The following LHFPL6 variants were observed in gnomAD, a reference collection of about 807,000 sequenced individuals.
LHFPL6 encodes LHFPL tetraspan subfamily member 6, also known as LHFPL tetraspan subfamily member 6 protein.
Under a neutral mutation model 20.6 loss-of-function variants are expected in LHFPL6, and 9 were observed. The observed-to-expected ratio is 0.44, with a 90% CI of 0.26 to 0.76. The LOEUF is 0.76. Ranked by LOEUF, LHFPL6 falls within the 30% of genes least tolerant of loss-of-function variation. The probability of loss-of-function intolerance (pLI) is 0.20; values close to 1 mark genes in which losing one functional copy is unlikely to be tolerated. For synonymous variants in LHFPL6, 105 were observed against 98.7 expected, an observed-to-expected ratio of 1.06 and a Z score of -0.38; for missense variants, 218 against 253.5, an observed-to-expected ratio of 0.86 and a Z score of 0.95.
At chr13:39,492,880 A>G (rs1043465085) in intron 2 of LHFPL6, among the ~76,000 whole-genome samples, 2 of 151,968 alleles carry the variant, frequency 1.3e-5, no homozygotes, top group African/African-American at 4.8e-5. Context: ...GAGTTTCTCT[A>G]TGCTGGTCAG....
chr13:39,516,917 G>C (rs1259357703), intron 2 of LHFPL6, among the ~76,000 whole-genome samples: 1 of 152,180 alleles, frequency 6.6e-6, no homozygotes, highest in African/African-American at 2.4e-5. Context: ...TCTTAAATCA[G>C]CTCATGTAGC....
chr13:39,496,993 C>T (rs536670116), intron 2 of LHFPL6, among the ~76,000 whole-genome samples: 2 of 152,148 alleles, frequency 1.3e-5, no homozygotes, highest in Admixed American at 6.5e-5. Context: ...AATGCAGAAG[C>T]TTATCCCAGA....
intron 2 of LHFPL6, among the ~76,000 whole-genome samples, chr13:39,514,448 C>T (rs1444618729): frequency 6.6e-6 from 1 of 152,188 alleles, no homozygotes; most frequent in African/African-American, 2.4e-5. Flanking sequence ...GCTCTGGCAT[C>T]AACACAGGTC....
At chr13:39,554,337 A>T (rs754712146) in intron 2 of LHFPL6, among the ~76,000 whole-genome samples, 5 of 152,196 alleles carry the variant, frequency 3.3e-5, no homozygotes, top group Non-Finnish European at 5.9e-5. Flanking sequence ...TTGCCTCTTT[A>T]ATATACTCTT....
At chr13:39,594,120 T>C (rs1285909803) in intron 2 of LHFPL6, among the ~76,000 whole-genome samples, 10 of 152,052 alleles carry the variant, frequency 6.6e-5, no homozygotes, top group Non-Finnish European at 1.3e-4. Context: ...ACAAACGGGA[T>C]CTAATTAAAC....
Position 39,470,257 on chromosome 13 carries a change from G to A in LHFPL6, c.386-91731C>T, listed in dbSNP as rs150090581. Among the ~76,000 whole-genome samples, 1,258 of 152,202 alleles carry A rather than the reference G, an allele frequency of 8.3e-3. 7 individuals carry two copies. Among genetic ancestry groups the A allele is most frequent in the Non-Finnish European group, 0.013 (910 of 67,996 alleles). On this transcript the variant is annotated intron_variant, in intron 2 of 3. Coordinates refer to ENST00000379589, the MANE Select transcript of LHFPL6 (RefSeq NM_005780.3). ...TTTTGTGCTGGATATATTCAAAGAA[G>A]TGCAAAAACCCCCAAATCTAATATG... is the stretch of plus-strand genomic sequence containing the variant.
At chr13:39,583,791 C>T (rs1309211930) in intron 2 of LHFPL6, among the ~76,000 whole-genome samples, 1 of 152,152 alleles carries the variant, frequency 6.6e-6, no homozygotes, top group African/African-American at 2.4e-5. Context: ...TCATCAATAT[C>T]CTGAACAAAT....
At chr13:39,441,324 T>G (rs1052663723) in intron 2 of LHFPL6, among the ~76,000 whole-genome samples, 1 of 151,690 alleles carries the variant, frequency 6.6e-6, no homozygotes, top group South Asian at 2.1e-4. Flanking sequence ...GGCTATTAGT[T>G]GATCAGGAAG....
chr13:39,558,454 G>A (rs1871374170), intron 2 of LHFPL6, among the ~76,000 whole-genome samples: 1 of 152,156 alleles, frequency 6.6e-6, no homozygotes, highest in African/African-American at 2.4e-5. Context: ...ATAATTGGAA[G>A]TTACCTCTCA....
At chr13:39,475,366 T>G (rs1873058848) in intron 2 of LHFPL6, among the ~76,000 whole-genome samples, 1 of 152,130 alleles carries the variant, frequency 6.6e-6, no homozygotes. Flanking sequence ...GCTTAATAAC[T>G]TTCAATGTTA....
chr13:39,560,100 A>C (rs1871424584), intron 2 of LHFPL6, among the ~76,000 whole-genome samples: 1 of 152,154 alleles, frequency 6.6e-6, no homozygotes, highest in East Asian at 1.9e-4. Context: ...CATGGTAACT[A>C]TCCGATCTAC....
chr13:39,448,950 A>G (rs762640457), intron 2 of LHFPL6, among the ~76,000 whole-genome samples: 94 of 152,270 alleles, frequency 6.2e-4, no homozygotes, highest in Non-Finnish European at 9.7e-4. Flanking sequence ...GAGCAGATGC[A>G]TTAGAAGTCA....
intron 2 of LHFPL6, among the ~76,000 whole-genome samples, chr13:39,510,257 T>C (rs545410141): frequency 2.0e-4 from 31 of 152,336 alleles, no homozygotes; most frequent in African/African-American, 7.2e-4. Flanking sequence ...TCTGTCAAAT[T>C]ATATATTCTG....
chr13:39,577,636 CA>C (rs1237739238), intron 2 of LHFPL6, among the ~76,000 whole-genome samples: 2 of 151,684 alleles, frequency 1.3e-5, no homozygotes, highest in African/African-American at 4.9e-5. Flanking sequence ...TCCAACAACT[CA>C]ATTTTTTTTT....
intron 2 of LHFPL6, among the ~76,000 whole-genome samples, chr13:39,582,511 G>A (rs888164162): frequency 2.6e-5 from 4 of 152,140 alleles, no homozygotes; most frequent in African/African-American, 4.8e-5. Flanking sequence ...CAGCTAACCC[G>A]CAACCAATGG....
chr13:39,472,141 G>A (rs1012383034), intron 2 of LHFPL6, among the ~76,000 whole-genome samples: 11 of 152,230 alleles, frequency 7.2e-5, no homozygotes, highest in Non-Finnish European at 1.5e-4. Flanking sequence ...CCTGGTCCTA[G>A]ACGTAGTAGT....
At chr13:39,512,342 C>T (rs530662785) in intron 2 of LHFPL6, among the ~76,000 whole-genome samples, 1 of 152,300 alleles carries the variant, frequency 6.6e-6, no homozygotes, top group South Asian at 2.1e-4. Flanking sequence ...GTGGCTCACG[C>T]CTGTAATCCC....
chr13:39,517,993 T>C lies in LHFPL6; in HGVS notation c.385+82839A>G, dbSNP rs1265057759. ...TCTAGCTCAGACTGCTGAAATAAGC[T>C]ACTGGCTGGGATTCCAATCTCCACA... On this transcript the variant is annotated intron_variant, in intron 2 of 3. Coordinates refer to ENST00000379589, the MANE Select transcript of LHFPL6 (RefSeq NM_005780.3). Among the ~76,000 whole-genome samples, 4 of 152,336 alleles carry C rather than the reference T, an allele frequency of 2.6e-5. No homozygotes were observed. In the East Asian group the frequency reaches 7.7e-4, roughly 29 times the overall value.
chr13:39,387,547 C>A (rs1476314765), intron 2 of LHFPL6, among the ~76,000 whole-genome samples: 11 of 87,952 alleles, frequency 1.3e-4, no homozygotes, highest in South Asian at 4.6e-4. Flanking sequence ...GACTGTCTCA[C>A]AAAAAAAAAA....
Sources: allele counts gnomAD v4.1 joint callset (sites outside exome capture counted in the v4.1 genomes callset), GRCh38; gene constraint gnomAD v4.1.1; transcripts MANE v1.5; gene names NCBI Gene and HGNC (gene_info 2026-07-23, HGNC 2026-07-21).